GTF2IRD2: variants seen among roughly 807,000 people sequenced by gnomAD.
GTF2IRD2 encodes GTF2I repeat domain containing 2, also known as general transcription factor II-I repeat domain-containing protein 2A.
GTF2IRD2 carries 8 observed loss-of-function variants against 49.2 expected under a neutral mutation model. The ratio of observed to expected loss-of-function variants is 0.16; its 90% CI spans 0.10 to 0.29. GTF2IRD2 has a LOEUF of 0.29. Ranked by LOEUF, GTF2IRD2 falls within the 10% of genes least tolerant of loss-of-function variation. The probability of loss-of-function intolerance (pLI) is 1.00; values close to 1 mark genes in which losing one functional copy is unlikely to be tolerated. For synonymous variants in GTF2IRD2, 47 were observed against 289.7 expected (o/e 0.16, Z 8.51); for missense variants, 130 against 725.7 (o/e 0.18, Z 9.43).
chr7:74,822,613 G>C lies in GTF2IRD2; in HGVS notation c.542+11C>G. The stretch of plus-strand genomic sequence containing the variant: ...AATGAACTGAAGGGGCGGGGGTGCA[G>C]AGTGTGTCACCTATTTATGATGAAT... On this transcript the variant is annotated intron_variant, in intron 5 of 15. Coordinates refer to ENST00000451013, the MANE Select transcript of GTF2IRD2 (RefSeq NM_173537.5). 1.8e-6 allele frequency: 1 copy of C among 565,012 alleles called. No homozygotes were observed. The highest frequency in any genetic ancestry group is 3.1e-6 in the Non-Finnish European group (1 of 324,488). The allele number at this position is 565,012 out of a possible 1,614,324, so 35.0% of individuals were successfully genotyped here.
chr7:74,798,518 G>A (rs1304422063), intron 15 of GTF2IRD2, among the ~76,000 whole-genome samples: 2 of 151,586 alleles, frequency 1.3e-5, no homozygotes, highest in Non-Finnish European at 2.9e-5. Flanking sequence ...TTTTGTTGTC[G>A]TTGTTGTTGA....
intron 10 of GTF2IRD2, among the ~76,000 whole-genome samples, chr7:74,809,910 CA>C (rs1798025215): frequency 1.7e-5 from 1 of 57,396 alleles, no homozygotes; most frequent in African/African-American, 5.5e-5. Context: ...CCTCGTGCCT[CA>C]GCCTCCCGAG....
chr7:74,830,593 T>A (rs1799762743), intron 3 of GTF2IRD2, among the ~76,000 whole-genome samples: 1 of 146,096 alleles, frequency 6.8e-6, no homozygotes, highest in African/African-American at 2.5e-5. Context: ...CTGGAGGCCA[T>A]TATCCTATGT....
chr7:74,836,156 G>A, intron 2 of GTF2IRD2, 124 bp downstream of exon 2: 3 of 1,173,894 alleles, frequency 2.6e-6, no homozygotes, highest in Non-Finnish European at 3.6e-6. Context: ...GGGTGACAGA[G>A]TGAGACTCTG....
intron 1 of GTF2IRD2, among the ~76,000 whole-genome samples, chr7:74,847,700 T>TA (rs1801402913): frequency 7.4e-3 from 1 of 136 alleles, no homozygotes; most frequent in Non-Finnish European, 0.017. Flanking sequence ...AAACTCCATC[T>TA]CAAAAAAAAA....
rs1165327712 is a variant in GTF2IRD2 at position 74,822,152 on chromosome 7, T to C, written c.571+275A>G. On this transcript the variant is annotated intron_variant, in intron 6 of 15. Transcript: ENST00000451013. ...AGCTCCACCTCCCGGGTTCACGCCA[T>C]TCTCCTGCCTCAGACACCCGAGTAG... 2.8e-5 allele frequency: 9 copies of C among 318,116 alleles called. 1 individual carries two copies. The highest frequency in any genetic ancestry group is 5.4e-5 in the Non-Finnish European group (9 of 167,996). The allele number at this position is 318,116 out of a possible 1,614,324, so 19.7% of individuals were successfully genotyped here. A position where few individuals can be genotyped will look rare whatever the true frequency, so the allele number is the denominator to read the frequency against.
Position 74,797,621 on chromosome 7 carries a change from G to A in GTF2IRD2, c.1891C>T (p.Leu631Phe), listed in dbSNP as rs782601578. The A allele has an allele frequency of 3.1e-6, 5 of 1,604,638 alleles. No homozygotes were observed. The highest frequency in any genetic ancestry group is 3.4e-6 in the Non-Finnish European group (4 of 1,177,454). ...ACCCTGGACTTCAGTTTTGTGACAA[G>A]CCCGTTATTGGCATCCACCATCGCT... Reference protein sequence around the residue: ...TPAMVDANNGLVTKLKSRVAT... With the variant: ...TPAMVDANNGFVTKLKSRVAT... Residue 631 changes from leucine to phenylalanine, a missense_variant, in exon 16 of 16, where the codon CTT becomes TTT. Physicochemically the swap from Leu to Phe is conservative, Grantham distance 22. Coordinates refer to ENST00000451013, the MANE Select transcript of GTF2IRD2 (RefSeq NM_173537.5).
At chr7:74,822,374 G>T (rs2131718572) in intron 6 of GTF2IRD2, 53 bp downstream of exon 6, 4 of 673,994 alleles carry the variant, frequency 5.9e-6, no homozygotes, top group Admixed American at 4.6e-5. Flanking sequence ...TAATGAAGAA[G>T]AAGTGGTTCA....
At chr7:74,813,416 G>A (rs1798282121) in intron 8 of GTF2IRD2, among the ~76,000 whole-genome samples, 1 of 55,110 alleles carries the variant, frequency 1.8e-5, no homozygotes, top group African/African-American at 4.5e-5. Flanking sequence ...AGGAGAGGAG[G>A]ATGAAGGAAG....
intron 1 of GTF2IRD2, among the ~76,000 whole-genome samples, chr7:74,841,053 T>C (rs1800782106): frequency 7.6e-6 from 1 of 131,550 alleles, no homozygotes; most frequent in South Asian, 2.6e-4. Flanking sequence ...TTCACCATGT[T>C]GGCCAGGCCG....
chr7:74,829,701 G>A (rs1295602150), intron 3 of GTF2IRD2, among the ~76,000 whole-genome samples: 1 of 141,424 alleles, frequency 7.1e-6, no homozygotes, highest in African/African-American at 2.7e-5. Flanking sequence ...CCAACATGGT[G>A]AAACCCTATC....
intron 3 of GTF2IRD2, among the ~76,000 whole-genome samples, chr7:74,829,905 C>T (rs1327887616): frequency 1.1e-5 from 1 of 90,928 alleles, no homozygotes; most frequent in South Asian, 3.5e-4. Context: ...AAAAAAAATT[C>T]ATATGGAACA....
chr7:74,842,342 G>T (rs1483426635), intron 1 of GTF2IRD2, among the ~76,000 whole-genome samples: 1 of 131,150 alleles, frequency 7.6e-6, no homozygotes, highest in Non-Finnish European at 1.6e-5. Context: ...CGATTCTCCT[G>T]CCTCAGCCTC....
At chr7:74,831,246 CAT>C (rs1204141274) in intron 3 of GTF2IRD2, among the ~76,000 whole-genome samples, 4 of 149,452 alleles carry the variant, frequency 2.7e-5, no homozygotes, top group Non-Finnish European at 4.5e-5. Flanking sequence ...TATCTATATA[CAT>C]ATATATATAT....
At chr7:74,829,864 G>T (rs1554420180) in intron 3 of GTF2IRD2, among the ~76,000 whole-genome samples, 1 of 144,308 alleles carries the variant, frequency 6.9e-6, no homozygotes, top group African/African-American at 2.7e-5. Context: ...CTCCAGCCTG[G>T]GCGATAGAGC....
intron 8 of GTF2IRD2, among the ~76,000 whole-genome samples, chr7:74,818,459 T>TCTC (rs1387996685): frequency 4.5e-5 from 4 of 89,292 alleles, no homozygotes; most frequent in Non-Finnish European, 6.6e-5. Flanking sequence ...TCTCTCTCTC[T>TCTC]TTTTTTTTTT....
chr7:74,812,560 G>A (rs1479858285), intron 9 of GTF2IRD2, among the ~76,000 whole-genome samples, 179 bp downstream of exon 9: 3 of 81,770 alleles, frequency 3.7e-5, no homozygotes, highest in South Asian at 5.8e-4. Context: ...AAAAGAGTAC[G>A]TGGATTTAGG....
chr7:74,819,924 G>GC, intron 7 of GTF2IRD2, 45 bp downstream of exon 7: 1 of 1,602,438 alleles, frequency 6.2e-7, no homozygotes, highest in South Asian at 1.1e-5. Context: ...AAAAACGAAC[G>GC]CTGTGCATAG....
At chr7:74,819,875 A>G (rs1554418440) in intron 7 of GTF2IRD2, 94 bp downstream of exon 7, 1 of 1,073,048 alleles carries the variant, frequency 9.3e-7, no homozygotes, top group African/African-American at 1.5e-5. Flanking sequence ...AACCCTTTAC[A>G]CTCCACTTAA....
Sources: allele counts gnomAD v4.1 joint callset (sites outside exome capture counted in the v4.1 genomes callset), GRCh38; gene constraint gnomAD v4.1.1; transcripts MANE v1.5; gene names NCBI Gene and HGNC (gene_info 2026-07-23, HGNC 2026-07-21).